Variants in ADGRL3 observed in about 807,000 individuals in gnomAD.
The protein encoded by ADGRL3 is adhesion G protein-coupled receptor L3, also known as calcium-independent alpha-latrotoxin receptor 3.
ADGRL3 carries 62 observed loss-of-function variants against 153.5 expected under a neutral mutation model. That is an observed-to-expected ratio of 0.40 (90% CI 0.33 to 0.50). The LOEUF (loss-of-function observed/expected upper bound fraction) is 0.50. Among genes scored for constraint, ADGRL3 ranks in the 20% least tolerant of loss-of-function variants. The probability of loss-of-function intolerance (pLI) is 0.47; values close to 1 mark genes in which losing one functional copy is unlikely to be tolerated. For synonymous variants in ADGRL3, 710 were observed against 672.5 expected (o/e 1.06, Z -0.86); for missense variants, 1,641 against 1,859.4 (o/e 0.88, Z 2.16).
intron 8 of ADGRL3, among the ~76,000 whole-genome samples, chr4:61,812,611 A>G (rs748783631): frequency 6.6e-6 from 1 of 152,246 alleles, no homozygotes; most frequent in African/African-American, 2.4e-5. Flanking sequence ...CCTTCTGTAT[A>G]TAAAGTACCT....
chr4:61,533,651 A>G (rs1429431157), intron 4 of ADGRL3, among the ~76,000 whole-genome samples: 1 of 152,098 alleles, frequency 6.6e-6, no homozygotes, highest in Non-Finnish European at 1.5e-5. Flanking sequence ...CTATTGTAAA[A>G]TGGTTAGGTT....
intron 25 of ADGRL3, among the ~76,000 whole-genome samples, chr4:62,058,671 T>A (rs933525013): frequency 7.2e-5 from 11 of 152,126 alleles, no homozygotes; most frequent in African/African-American, 2.7e-4. Context: ...GTCTTCAAAC[T>A]GACTAACCGG....
At chr4:61,257,385 T>C (rs1395077253) in intron 1 of ADGRL3, among the ~76,000 whole-genome samples, 1 of 152,214 alleles carries the variant, frequency 6.6e-6, no homozygotes, top group Non-Finnish European at 1.5e-5. Context: ...AAACAATAGC[T>C]TTAACATAAT....
At chr4:61,627,189 G>T (rs1297829978) in intron 5 of ADGRL3, among the ~76,000 whole-genome samples, 1 of 151,950 alleles carries the variant, frequency 6.6e-6, no homozygotes, top group Non-Finnish European at 1.5e-5. Context: ...ACCTTTACTT[G>T]ATCTTATATT....
chr4:61,809,465 A>G (rs925359752), intron 8 of ADGRL3, among the ~76,000 whole-genome samples: 2 of 152,094 alleles, frequency 1.3e-5, no homozygotes, highest in African/African-American at 4.8e-5. Flanking sequence ...TTACCTATGC[A>G]TTTATCCTTT....
In ADGRL3 at chr4:62,007,904, G is replaced by A. The variant is rs191608211; in HGVS notation, c.3395+9639G>A. 2.6e-3 allele frequency among the ~76,000 whole-genome samples: 400 copies of A among 152,178 alleles called. 1 individual carries two copies. The highest frequency in any genetic ancestry group is 8.2e-3 in the African/African-American group (342 of 41,536). Reference sequence around the variant, plus strand: ...GACACTCTGACTTTTAGAGATCTTAGAAGTGTAGAACCTGCAAAGTGGATT... The same window carrying A: ...GACACTCTGACTTTTAGAGATCTTAAAAGTGTAGAACCTGCAAAGTGGATT... On this transcript the variant is annotated intron_variant, in intron 21 of 26. Coordinates refer to ENST00000683033, the MANE Select transcript of ADGRL3 (RefSeq NM_001387552.1).
At position 61,846,178 on chromosome 4, in the gene ADGRL3, A is replaced by G. The variant is rs144060652; in HGVS notation, c.1480+32289A>G. Among the ~76,000 whole-genome samples, 317 of 151,936 alleles carry G rather than the reference A, an allele frequency of 2.1e-3. 2 individuals are homozygous for G. Among genetic ancestry groups the G allele is most frequent in the African/African-American group, 7.1e-3 (296 of 41,468 alleles). On this transcript the variant is annotated intron_variant, in intron 9 of 26. Transcript: ENST00000683033. ...AAAAGATTTTAAAAATCAGGGGAGT[A>G]TGGAGATGCACACTTGTAGTCCTAG... is the stretch of plus-strand genomic sequence containing the variant.
At chr4:61,840,613 T>G (rs1438956819) in intron 9 of ADGRL3, among the ~76,000 whole-genome samples, 2 of 152,178 alleles carry the variant, frequency 1.3e-5, no homozygotes, top group Non-Finnish European at 2.9e-5. Context: ...GTTACTGTAC[T>G]AGGGCCTTTG....
chr4:61,457,766 G>A (rs2097769532), intron 2 of ADGRL3, among the ~76,000 whole-genome samples: 1 of 151,744 alleles, frequency 6.6e-6, no homozygotes. Context: ...TTACTGACAT[G>A]TAAAATGATT....
At chr4:61,769,551 G>A (rs993127158) in intron 8 of ADGRL3, among the ~76,000 whole-genome samples, 1 of 152,058 alleles carries the variant, frequency 6.6e-6, no homozygotes, top group East Asian at 1.9e-4. Flanking sequence ...TTTCATGCGC[G>A]TCCATGTGAA....
At chr4:61,640,284 G>A (rs2093607024) in intron 5 of ADGRL3, among the ~76,000 whole-genome samples, 1 of 152,072 alleles carries the variant, frequency 6.6e-6, no homozygotes, top group South Asian at 2.1e-4. Context: ...TTTGTAACAG[G>A]TGTTTTATGA....
chr4:61,613,507 G>C (rs1486563067), intron 5 of ADGRL3, among the ~76,000 whole-genome samples: 1 of 152,180 alleles, frequency 6.6e-6, no homozygotes, highest in African/African-American at 2.4e-5. Context: ...ACTTTGGGAG[G>C]CTGGGGCAGG....
chr4:62,006,003 C>CACACACACATATAT (rs1230956055), intron 21 of ADGRL3, among the ~76,000 whole-genome samples: 36 of 48,986 alleles, frequency 7.3e-4, no homozygotes, highest in East Asian at 5.4e-3. Context: ...CACACACACA[C>CACACACACATATAT]ATATATATAT....
At chr4:61,366,582 T>C (rs1057045948) in intron 1 of ADGRL3, among the ~76,000 whole-genome samples, 6 of 152,230 alleles carry the variant, frequency 3.9e-5, no homozygotes, top group Non-Finnish European at 1.5e-5. Flanking sequence ...CTAAATTGGC[T>C]TAATTGGATC....
At chr4:61,536,475 G>A (rs1216083500) in intron 4 of ADGRL3, among the ~76,000 whole-genome samples, 1 of 152,006 alleles carries the variant, frequency 6.6e-6, no homozygotes, top group Non-Finnish European at 1.5e-5. Context: ...TCTCAGTGCG[G>A]TGTTGAAGTT....
intron 1 of ADGRL3, among the ~76,000 whole-genome samples, chr4:61,357,609 A>G (rs1290330794): frequency 2.0e-5 from 3 of 152,090 alleles, no homozygotes; most frequent in African/African-American, 2.4e-5. Context: ...TACATTTTCT[A>G]TATTGACTGT....
chr4:61,429,734 C>T (rs1323905729), intron 2 of ADGRL3, among the ~76,000 whole-genome samples: 1 of 151,950 alleles, frequency 6.6e-6, no homozygotes, highest in African/African-American at 2.4e-5. Flanking sequence ...TTCAGAGACT[C>T]TAAAGTTATT....
chr4:61,885,591 G>A (rs2098533962), intron 9 of ADGRL3, among the ~76,000 whole-genome samples: 1 of 152,136 alleles, frequency 6.6e-6, no homozygotes, highest in African/African-American at 2.4e-5. Flanking sequence ...CAGCAGGTCT[G>A]GACCATAGTA....
At chr4:61,648,481 C>T (rs1028388886) in intron 5 of ADGRL3, among the ~76,000 whole-genome samples, 5 of 148,580 alleles carry the variant, frequency 3.4e-5, no homozygotes, top group African/African-American at 1.2e-4. Flanking sequence ...TCTCTTTTGT[C>T]ATTCATATCA....
Sources: gnomAD v4.1 joint callset for allele counts (sites outside exome capture counted in the v4.1 genomes callset) on GRCh38, gnomAD v4.1.1 for gene constraint, MANE v1.5 for transcripts, NCBI Gene and HGNC (gene_info 2026-07-23, HGNC 2026-07-21) for gene names.